MAP3K8: variants seen among roughly 807,000 people sequenced by gnomAD.
MAP3K8 encodes the protein Ewing sarcoma transformant.
In MAP3K8, 22 loss-of-function variants were observed where a neutral mutation model predicts 45.8. The ratio of observed to expected loss-of-function variants is 0.48; its 90% CI spans 0.34 to 0.69. The LOEUF (loss-of-function observed/expected upper bound fraction) is 0.69, where lower values mean the gene tolerates loss of function less well. MAP3K8 is among the 30% of genes least tolerant of loss of function. The pLI, the probability that MAP3K8 is intolerant of heterozygous loss-of-function variation, is 0.01. For synonymous variants in MAP3K8, 223 were observed against 214.3 expected, an observed-to-expected ratio of 1.04 and a Z score of -0.36; for missense variants, 419 against 585.0, an observed-to-expected ratio of 0.72 and a Z score of 2.93.
intron 1 of MAP3K8, chr10:30,434,824 G>C: frequency 2.1e-6 from 2 of 971,288 alleles, no homozygotes; most frequent in Non-Finnish European, 2.4e-6. Flanking sequence ...AGCCTTTTAG[G>C]CTCCCTTGAC....
chr10:30,453,036 C>G (rs1252050189), intron 6 of MAP3K8, among the ~76,000 whole-genome samples: 2 of 152,072 alleles, frequency 1.3e-5, no homozygotes, highest in African/African-American at 2.4e-5. Flanking sequence ...ATAAGTTTAG[C>G]ACTTAAAAAG....
At chr10:30,452,484 T>C (rs192530503) in intron 6 of MAP3K8, among the ~76,000 whole-genome samples, 3 of 150,614 alleles carry the variant, frequency 2.0e-5, no homozygotes, top group Admixed American at 1.3e-4. Flanking sequence ...AAAAAAAAAA[T>C]TAGCTCAGTG....
At chr10:30,438,200 A>G (rs1420638511) in intron 2 of MAP3K8, among the ~76,000 whole-genome samples, 2 of 152,228 alleles carry the variant, frequency 1.3e-5, no homozygotes, top group African/African-American at 2.4e-5. Context: ...TTGCACTATT[A>G]AAGAATTCTG....
At chr10:30,446,638 C>T (rs1170168093) in intron 3 of MAP3K8, among the ~76,000 whole-genome samples, 3 of 151,912 alleles carry the variant, frequency 2.0e-5, no homozygotes, top group Non-Finnish European at 2.9e-5. Flanking sequence ...GGTACTGAGG[C>T]GATTTATCCC....
At chr10:30,445,177 A>G (rs1836274241) in intron 3 of MAP3K8, among the ~76,000 whole-genome samples, 1 of 152,146 alleles carries the variant, frequency 6.6e-6, no homozygotes, top group Non-Finnish European at 1.5e-5. Flanking sequence ...CGGGTGGATC[A>G]CTTGAGGTCA....
intron 3 of MAP3K8, among the ~76,000 whole-genome samples, chr10:30,444,980 A>G (rs1221045949): frequency 6.6e-6 from 1 of 152,340 alleles, no homozygotes; most frequent in East Asian, 1.9e-4. Flanking sequence ...TTAAGCTCAG[A>G]CTATTGTAGA....
At chr10:30,455,285 T>C (rs1836696829) in intron 6 of MAP3K8, among the ~76,000 whole-genome samples, 2 of 152,210 alleles carry the variant, frequency 1.3e-5, no homozygotes, top group Non-Finnish European at 2.9e-5. Flanking sequence ...ACAAGCTTGC[T>C]TTTACCCTTC....
intron 1 of MAP3K8, among the ~76,000 whole-genome samples, chr10:30,436,323 G>C (rs1007302456): frequency 6.6e-6 from 1 of 152,202 alleles, no homozygotes; most frequent in Non-Finnish European, 1.5e-5. Flanking sequence ...GCTTTTTGCA[G>C]GCGCAGTTAG....
chr10:30,460,185 C>T (rs773822794), intron 8 of MAP3K8, among the ~76,000 whole-genome samples: 198 of 152,156 alleles, frequency 1.3e-3, no homozygotes, highest in Non-Finnish European at 2.2e-3. Context: ...GGTGGGGGAA[C>T]ATCATGGCAC....
chr10:30,450,152 C>T, intron 4 of MAP3K8, 106 bp from the exon 5 acceptor site: 1 of 1,062,966 alleles, frequency 9.4e-7, no homozygotes, highest in Non-Finnish European at 1.4e-6. Context: ...GCAGAGTATT[C>T]TTGAGGGCAT....
intron 1 of MAP3K8, among the ~76,000 whole-genome samples, chr10:30,435,349 T>C (rs775487497): frequency 1.6e-4 from 25 of 152,252 alleles, no homozygotes; most frequent in African/African-American, 5.1e-4. Flanking sequence ...GCAGGACGTC[T>C]GGCATACGGC....
intron 3 of MAP3K8, among the ~76,000 whole-genome samples, chr10:30,443,323 C>T (rs1318443865): frequency 1.3e-5 from 2 of 152,216 alleles, no homozygotes; most frequent in South Asian, 2.1e-4. Flanking sequence ...CCTGGTTACA[C>T]ATAGTGAGTG....
At chr10:30,446,863 C>T (rs1182779891) in intron 3 of MAP3K8, among the ~76,000 whole-genome samples, 2 of 152,126 alleles carry the variant, frequency 1.3e-5, no homozygotes, top group Non-Finnish European at 2.9e-5. Context: ...ACCCACATTG[C>T]TGTCAGAATA....
At chr10:30,451,819 G>A in intron 6 of MAP3K8, 75 bp downstream of exon 6, 2 of 809,532 alleles carry the variant, frequency 2.5e-6, no homozygotes, top group South Asian at 4.3e-5. Flanking sequence ...AATTATTGTG[G>A]GAACGAAGGA....
intron 5 of MAP3K8, among the ~76,000 whole-genome samples, chr10:30,451,062 C>A: frequency 6.9e-6 from 1 of 145,122 alleles, no homozygotes. Context: ...ATTGCTCTCC[C>A]AGCCTGGGTG....
chr10:30,459,915 T>A (rs904544402), intron 8 of MAP3K8, among the ~76,000 whole-genome samples: 3 of 151,990 alleles, frequency 2.0e-5, no homozygotes, highest in East Asian at 3.9e-4. Flanking sequence ...TGATCTTGGG[T>A]CACTGCAACC....
chr10:30,458,255 G>A lies in MAP3K8; in HGVS notation c.1026+19G>A. The A allele has an allele frequency of 7.1e-7, 1 of 1,407,186 alleles. No homozygotes were observed. Among genetic ancestry groups the A allele is most frequent in the Non-Finnish European group, 9.4e-7 (1 of 1,061,382 alleles). 87.2% of individuals were successfully genotyped at this position (1,407,186 alleles called of 1,614,324 possible). A position where few individuals can be genotyped will look rare whatever the true frequency, so the allele number is the denominator to read the frequency against. On this transcript the variant is annotated intron_variant, in intron 7 of 8. Transcript: ENST00000263056. ...GTACATAGTAAGTGGGGTTCAACCAGGGCTGGGGGCGGCGGGGGGGGGCGT... is the reference window on the plus strand; with the variant it reads ...GTACATAGTAAGTGGGGTTCAACCAAGGCTGGGGGCGGCGGGGGGGGGCGT...
At chr10:30,451,065 C>T (rs1056945107) in intron 5 of MAP3K8, among the ~76,000 whole-genome samples, 6 of 149,736 alleles carry the variant, frequency 4.0e-5, no homozygotes, top group Non-Finnish European at 7.4e-5. Flanking sequence ...GCTCTCCCAG[C>T]CTGGGTGACA....
chr10:30,456,460 T>G (rs1166516213), intron 6 of MAP3K8, among the ~76,000 whole-genome samples: 1 of 151,866 alleles, frequency 6.6e-6, no homozygotes, highest in Non-Finnish European at 1.5e-5. Flanking sequence ...AGGGTTAGGG[T>G]GGGGAGACTG....
Sources: allele counts gnomAD v4.1 joint callset (sites outside exome capture counted in the v4.1 genomes callset), GRCh38; gene constraint gnomAD v4.1.1; transcripts MANE v1.5; gene names NCBI Gene and HGNC (gene_info 2026-07-23, HGNC 2026-07-21).